CA10: variants seen among roughly 807,000 people sequenced by gnomAD.
CA10 encodes carbonic anhydrase-related protein 10.
Under a neutral mutation model 44.2 loss-of-function variants are expected in CA10, and 14 were observed. The ratio of observed to expected loss-of-function variants is 0.32; its 90% CI spans 0.21 to 0.50. The LOEUF (loss-of-function observed/expected upper bound fraction) is 0.50, where lower values mean the gene tolerates loss of function less well. Ranked by LOEUF, CA10 falls within the 20% of genes least tolerant of loss-of-function variation. CA10 has a pLI of 0.99. For synonymous variants in CA10, 159 were observed against 141.6 expected (o/e 1.12, Z -0.87); for missense variants, 350 against 409.7 (o/e 0.85, Z 1.26).
At chr17:51,893,952 T>C (rs1056576433) in intron 3 of CA10, among the ~76,000 whole-genome samples, 3 of 152,158 alleles carry the variant, frequency 2.0e-5, no homozygotes, top group African/African-American at 7.2e-5. Flanking sequence ...ATAAAAAATT[T>C]AGAATTCAAG....
At chr17:52,156,983 C>T (rs1015188194) in intron 1 of CA10, among the ~76,000 whole-genome samples, 2 of 152,170 alleles carry the variant, frequency 1.3e-5, no homozygotes, top group Admixed American at 6.5e-5. Flanking sequence ...GCACAGGTGT[C>T]CACAAGCCCA....
chr17:52,058,772 AGTT>A (rs2143082101), intron 2 of CA10, among the ~76,000 whole-genome samples: 1 of 152,268 alleles, frequency 6.6e-6, no homozygotes, highest in African/African-American at 2.4e-5. Context: ...AGGTAGGGTT[AGTT>A]GTTTTCTTTT....
intron 4 of CA10, among the ~76,000 whole-genome samples, chr17:51,717,584 T>A (rs1335795736): frequency 1.5e-5 from 2 of 137,758 alleles, no homozygotes; most frequent in Admixed American, 7.4e-5. Context: ...TATATAAAAA[T>A]ATATATTTGT....
In CA10 at chr17:51,993,014, C is replaced by T. The variant is rs140184884; in HGVS notation, c.137-61882G>A. Among the ~76,000 whole-genome samples, 163 of 152,184 alleles carry T rather than the reference C, an allele frequency of 1.1e-3. 1 individual carries two copies. In the East Asian group the frequency reaches 0.024, roughly 23 times the overall value. On this transcript the variant is annotated intron_variant, in intron 2 of 8. Coordinates refer to ENST00000451037, the MANE Select transcript of CA10 (RefSeq NM_020178.5). ...TGGCAGGCAATCTTACTCGGTTTCC[C>T]CCATACACTAATTAAACATTTTATG...
chr17:51,695,339 T>G (rs902520384), intron 4 of CA10, among the ~76,000 whole-genome samples: 1 of 152,110 alleles, frequency 6.6e-6, no homozygotes, highest in African/African-American at 2.4e-5. Flanking sequence ...AGTTTTTGTT[T>G]TGTTTTGTTT....
At chr17:51,724,232 T>C (rs1042827922) in intron 4 of CA10, among the ~76,000 whole-genome samples, 9 of 152,234 alleles carry the variant, frequency 5.9e-5, no homozygotes, top group South Asian at 4.1e-4. Context: ...CTGTAATGGA[T>C]GGAATATGAA....
chr17:51,832,699 C>A (rs1228184037), intron 3 of CA10, among the ~76,000 whole-genome samples: 1 of 152,180 alleles, frequency 6.6e-6, no homozygotes, highest in Non-Finnish European at 1.5e-5. Flanking sequence ...AGGTGATTTT[C>A]TTTAAGTATC....
At chr17:51,696,005 G>A (rs1915391579) in intron 4 of CA10, among the ~76,000 whole-genome samples, 1 of 152,162 alleles carries the variant, frequency 6.6e-6, no homozygotes, top group South Asian at 2.1e-4. Context: ...TTGCATCCCA[G>A]GAAGGAAGCC....
At chr17:51,747,876 AC>A in intron 3 of CA10, 58 bp from the exon 4 acceptor site, 1 of 1,332,190 alleles carries the variant, frequency 7.5e-7, no homozygotes, top group Non-Finnish European at 1.1e-6. Context: ...GCCTCCCCAA[AC>A]CCAGCATGGT....
chr17:51,922,613 C>A (rs1448614599), intron 3 of CA10, among the ~76,000 whole-genome samples: 1 of 152,178 alleles, frequency 6.6e-6, no homozygotes, highest in Non-Finnish European at 1.5e-5. Flanking sequence ...CCCCGTGCTG[C>A]CACTTCGATA....
chr17:51,757,469 A>G (rs1905107367), intron 3 of CA10, among the ~76,000 whole-genome samples: 1 of 152,224 alleles, frequency 6.6e-6, no homozygotes, highest in Non-Finnish European at 1.5e-5. Context: ...AGGATTATGC[A>G]AACAAGTAGC....
rs773923376 is a variant in CA10, at chr17:52,072,405, G to A, written c.62-12C>T. ...TGAATTCTGTTGAGCTAAAGGAAAA[G>A]CAAAGAAGAGAGATTAAGATGATAG... On this transcript the variant is annotated splice_polypyrimidine_tract_variant and intron_variant, in intron 1 of 8. Transcript: ENST00000451037. The A allele has an allele frequency of 1.2e-6, 2 of 1,600,478 alleles. No individual in the cohort carries two copies. The highest frequency in any genetic ancestry group is 3.3e-5 in the Admixed American group (2 of 59,912).
intron 2 of CA10, among the ~76,000 whole-genome samples, chr17:51,996,458 A>T (rs1985240231): frequency 6.6e-6 from 1 of 151,986 alleles, no homozygotes; most frequent in South Asian, 2.1e-4. Flanking sequence ...CTGGTTCAAA[A>T]ATTTCCATTT....
At chr17:51,719,877 C>T (rs550148133) in intron 4 of CA10, among the ~76,000 whole-genome samples, 1 of 151,844 alleles carries the variant, frequency 6.6e-6, no homozygotes. Context: ...AGAGCCAGGG[C>T]CTGTCACAAA....
chr17:51,698,989 G>A (rs925845414), intron 4 of CA10, among the ~76,000 whole-genome samples: 4 of 152,152 alleles, frequency 2.6e-5, no homozygotes, highest in African/African-American at 9.7e-5. Context: ...TAAGGCTGCA[G>A]TGAACACGAG....
intron 3 of CA10, among the ~76,000 whole-genome samples, chr17:51,784,748 C>T (rs1427280021): frequency 1.3e-5 from 2 of 152,204 alleles, no homozygotes; most frequent in Admixed American, 1.3e-4. Context: ...GAGTATCCAT[C>T]CCCTCAAGCA....
At chr17:51,923,826 C>G (rs370507189) in intron 3 of CA10, among the ~76,000 whole-genome samples, 1 of 152,158 alleles carries the variant, frequency 6.6e-6, no homozygotes, top group East Asian at 1.9e-4. Flanking sequence ...ACATTCCCCC[C>G]ACCTTGGATC....
At chr17:51,777,308 G>T (rs975960899) in intron 3 of CA10, among the ~76,000 whole-genome samples, 3 of 152,196 alleles carry the variant, frequency 2.0e-5, no homozygotes, top group Non-Finnish European at 2.9e-5. Flanking sequence ...GAGAGATCAA[G>T]AAATATTTCA....
intron 2 of CA10, among the ~76,000 whole-genome samples, chr17:52,047,988 C>T (rs1364467037): frequency 6.6e-6 from 1 of 151,050 alleles, no homozygotes; most frequent in African/African-American, 2.4e-5. Flanking sequence ...ATTTTCAAGA[C>T]TTGCTTCTCA....
Sources: allele counts gnomAD v4.1 joint callset (sites outside exome capture counted in the v4.1 genomes callset), GRCh38; gene constraint gnomAD v4.1.1; transcripts MANE v1.5; gene names NCBI Gene and HGNC (gene_info 2026-07-23, HGNC 2026-07-21).